Variants in FBXO11 observed in about 807,000 individuals in gnomAD.
FBXO11 encodes the protein F-box protein 11.
A neutral mutation model predicts 117.0 loss-of-function variants in FBXO11; 13 were observed. The observed-to-expected ratio is 0.11, with a 90% CI of 0.07 to 0.18. The LOEUF is 0.18. FBXO11 is among the 10% of genes least tolerant of loss of function. FBXO11 has a pLI of 1.00. For missense variants in FBXO11, 767 were observed against 1,164.4 expected (o/e 0.66, Z 4.97); for synonymous variants, 490 against 380.5 (o/e 1.29, Z -3.35).
intron 1 of FBXO11, among the ~76,000 whole-genome samples, chr2:47,850,548 A>G (rs1477390437): frequency 6.6e-6 from 1 of 152,214 alleles, no homozygotes. Flanking sequence ...CAGCCATATG[A>G]TGTAAAGTGG....
chr2:47,870,955 G>A (rs953595348), intron 1 of FBXO11, among the ~76,000 whole-genome samples: 2 of 152,178 alleles, frequency 1.3e-5, no homozygotes, highest in East Asian at 3.8e-4. Context: ...ACTACTACTT[G>A]AGCTCCAGAA....
chr2:47,810,520 T>A, intron 18 of FBXO11, 94 bp from the exon 19 acceptor site: 1 of 670,534 alleles, frequency 1.5e-6, no homozygotes, highest in Non-Finnish European at 2.4e-6. Flanking sequence ...GTTTCTTATT[T>A]AACTGCATGG....
intron 1 of FBXO11, among the ~76,000 whole-genome samples, chr2:47,864,950 T>A (rs141440264): frequency 1.5e-4 from 23 of 152,362 alleles, no homozygotes; most frequent in African/African-American, 4.8e-4. Context: ...GACAAGACTT[T>A]CATTCTACGT....
In FBXO11 at chr2:47,813,307, A is replaced by G. The variant is rs187394494; in HGVS notation, c.2154T>C (p.Ser718=). The G allele has an allele frequency of 8.7e-6, 14 of 1,611,690 alleles. No individual in the cohort carries two copies. Among genetic ancestry groups the G allele is most frequent in the Non-Finnish European group, 1.1e-5 (13 of 1,178,146 alleles). ...AMAGVWIKTD[S]NPTLRRNKIH... is the part of the protein sequence containing the mutation. Reference sequence around the variant, plus strand: ...TTTTATTTCTTCTTAGTGTAGGATTACTATCTGTCTTAATCCAGACTCCAG... The same window carrying G: ...TTTTATTTCTTCTTAGTGTAGGATTGCTATCTGTCTTAATCCAGACTCCAG... The change falls in exon 18 of 23, where the codon AGT becomes AGC. Residue 718 remains serine (S), a synonymous_variant. Transcript: ENST00000403359.
intron 1 of FBXO11, among the ~76,000 whole-genome samples, chr2:47,885,643 C>T (rs755197748): frequency 1.3e-5 from 2 of 152,014 alleles, no homozygotes; most frequent in African/African-American, 2.4e-5. Flanking sequence ...AAAAGAAAAA[C>T]AGCCAAAGCA....
intron 1 of FBXO11, among the ~76,000 whole-genome samples, chr2:47,850,503 T>C (rs868032213): frequency 1.1e-4 from 16 of 152,332 alleles, no homozygotes; most frequent in South Asian, 4.1e-4. Flanking sequence ...TACAATACTG[T>C]TTCATGGTAG....
At position 47,833,068 on chromosome 2, in the gene FBXO11, G is replaced by A. The variant is rs745529478; in HGVS notation, c.937C>T (p.Pro313Ser). Residue 313 changes from proline (P) to serine (S), a missense_variant and splice_region_variant, in exon 8 of 23, where the codon CCT becomes TCT. Pro to Ser is a moderately conservative substitution (Grantham distance 74). This residue lies in a region of FBXO11 where 123 missense variants were observed against 145.0 expected (regional missense o/e 0.85). Transcript: ENST00000403359. ...ESPITMIGAA[P>S]GKVADKVIIE... ...ATAACTTTGTCTGCCACTTTCCCAGGTGCTGTGGAGAAGATATTTTAAAGA... is the reference window on the plus strand; with the variant it reads ...ATAACTTTGTCTGCCACTTTCCCAGATGCTGTGGAGAAGATATTTTAAAGA... 9 of 1,600,656 alleles carry A rather than the reference G, an allele frequency of 5.6e-6. No individual in the cohort carries two copies. Among genetic ancestry groups the A allele is most frequent in the African/African-American group, 4.0e-5 (3 of 74,680 alleles).
chr2:47,878,169 T>G (rs1032970921), intron 1 of FBXO11, among the ~76,000 whole-genome samples: 1 of 152,272 alleles, frequency 6.6e-6, no homozygotes, highest in Admixed American at 6.5e-5. Flanking sequence ...TTTTTCCTGA[T>G]TCAGCCCTTT....
At position 47,832,783 on chromosome 2, in the gene FBXO11, C is replaced by T. The variant is rs551056796; in HGVS notation, c.1139G>A (p.Arg380Gln). Residue 380 changes from arginine (R) to glutamine (Q), a missense_variant, in exon 9 of 23, where the codon CGA becomes CAA. This residue lies in a region of FBXO11 where 123 missense variants were observed against 145.0 expected (regional missense o/e 0.85). Coordinates refer to ENST00000403359, the MANE Select transcript of FBXO11 (RefSeq NM_001190274.2). The part of the protein sequence containing the change: ...CSPIIDHCII[R>Q]STCTVGSAVC... ...AAAACACTAACCTGTACATGTACTT[C>T]GGATGATACAGTGATCAATAATAGG... The T allele has an allele frequency of 6.2e-7, 1 of 1,612,734 alleles. No homozygotes were observed. Among genetic ancestry groups the T allele is most frequent in the Non-Finnish European group, 8.5e-7 (1 of 1,178,834 alleles).
At chr2:47,809,920 A>T in intron 19 of FBXO11, 1 of 536,474 alleles carries the variant, frequency 1.9e-6, no homozygotes, top group Non-Finnish European at 3.3e-6. Context: ...TTTCGCACCA[A>T]CCTAACTGTC....
At chr2:47,869,026 C>T (rs567990861) in intron 1 of FBXO11, among the ~76,000 whole-genome samples, 1 of 152,324 alleles carries the variant, frequency 6.6e-6, no homozygotes, top group African/African-American at 2.4e-5. Context: ...TCAGTTACAA[C>T]GTTAGCTAGG....
intron 1 of FBXO11, among the ~76,000 whole-genome samples, chr2:47,889,145 C>T (rs1393683954): frequency 6.6e-6 from 1 of 152,124 alleles, no homozygotes; most frequent in Non-Finnish European, 1.5e-5. Flanking sequence ...TTTCTAAAAT[C>T]TCCCCCAACT....
chr2:47,902,530 A>C (rs1485467090), intron 1 of FBXO11, among the ~76,000 whole-genome samples: 1 of 152,274 alleles, frequency 6.6e-6, no homozygotes, highest in East Asian at 1.9e-4. Flanking sequence ...ACACACACAT[A>C]ATGTATGTAC....
At position 47,905,640 on chromosome 2, in the gene FBXO11, G is replaced by A. The variant is rs1404486081; in HGVS notation, c.81C>T (p.Pro27=). ...PRPVQQQQQQ[P]PQQPPPQPPQ... The stretch of plus-strand genomic sequence containing the variant: ...GCGGCTGCGGCGGCGGCTGCTGCGG[G>A]GGCTGCTGCTGCTGTTGCTGCACCG... The change falls in exon 1 of 23, where the codon CCC becomes CCT. Residue 27 remains proline, a synonymous_variant. Transcript: ENST00000403359. 33 of 1,422,644 alleles carry A rather than the reference G, an allele frequency of 2.3e-5. No individual in the cohort carries two copies. Among genetic ancestry groups the A allele is most frequent in the Non-Finnish European group, 3.0e-5 (33 of 1,084,592 alleles). The allele number at this position is 1,422,644 out of a possible 1,614,324, so 88.1% of individuals were successfully genotyped here.
At chr2:47,835,513 CCT>C (rs1672487987) in intron 5 of FBXO11, among the ~76,000 whole-genome samples, 1 of 150,422 alleles carries the variant, frequency 6.6e-6, no homozygotes, top group Non-Finnish European at 1.5e-5. Context: ...TTTTTTTTTC[CCT>C]GAGACAAGAG....
intron 1 of FBXO11, among the ~76,000 whole-genome samples, chr2:47,840,013 G>A (rs554042717): frequency 1.0e-3 from 154 of 150,906 alleles, no homozygotes; most frequent in Non-Finnish European, 1.4e-3. Context: ...GCGCAATCTC[G>A]GCTCACTGCA....
chr2:47,809,557 G>C (rs781350474), intron 20 of FBXO11, 43 bp downstream of exon 20: 1 of 1,351,720 alleles, frequency 7.4e-7, no homozygotes, highest in East Asian at 2.3e-5. Context: ...TATCTTTCAT[G>C]GCATATTGCA....
chr2:47,809,919 AACCT>A, intron 19 of FBXO11: 1 of 537,320 alleles, frequency 1.9e-6, no homozygotes, highest in South Asian at 2.7e-5. Context: ...CTTTCGCACC[AACCT>A]AACTGTCTTA....
At chr2:47,842,267 G>C (rs1460317677) in intron 1 of FBXO11, among the ~76,000 whole-genome samples, 1 of 152,134 alleles carries the variant, frequency 6.6e-6, no homozygotes, top group East Asian at 1.9e-4. Flanking sequence ...GCCCGCCTCG[G>C]CCTCCCAAAG....
Sources: gnomAD v4.1 joint callset for allele counts (sites outside exome capture counted in the v4.1 genomes callset) on GRCh38, gnomAD v4.1.1 for gene constraint, gnomAD v4.1.1 regional missense constraint, MANE v1.5 for transcripts, NCBI Gene and HGNC (gene_info 2026-07-23, HGNC 2026-07-21) for gene names.